SPHK2: variants seen among roughly 807,000 people sequenced by gnomAD.
SPHK2 encodes the protein sphingosine kinase 2.
SPHK2 carries 18 observed loss-of-function variants against 32.3 expected under a neutral mutation model. The observed-to-expected ratio is 0.56, with a 90% CI of 0.39 to 0.83. The LOEUF (loss-of-function observed/expected upper bound fraction) is 0.83. Ranked by LOEUF, SPHK2 falls within the 40% of genes least tolerant of loss-of-function variation. The pLI is 0.00. For synonymous variants in SPHK2, 462 were observed against 417.6 expected (o/e 1.11, Z -1.30); for missense variants, 850 against 908.7 (o/e 0.94, Z 0.83).
rs2030436997 is a variant in SPHK2, at chr19:48,629,841, G to A, written c.*68G>A. ...CCAATGGGGCGGAGCCTGAGCTAGG[G>A]GGTGTGGCCTGGCTGCTAGAGTTGT... On this transcript the variant is annotated 3_prime_UTR_variant, in exon 7 of 7. Coordinates refer to ENST00000245222, the MANE Select transcript of SPHK2 (RefSeq NM_020126.5). 1 of 1,494,766 alleles carries A rather than the reference G, an allele frequency of 6.7e-7. No individual in the cohort carries two copies. Among genetic ancestry groups the A allele is most frequent in the South Asian group, 1.4e-5 (1 of 73,502 alleles). 92.6% of individuals were successfully genotyped at this position (1,494,766 alleles called of 1,614,324 possible).
intron 3 of SPHK2, 152 bp from the exon 4 acceptor site, chr19:48,627,540 G>A (rs1568432652): frequency 1.2e-6 from 1 of 854,200 alleles, no homozygotes; most frequent in Admixed American, 2.6e-5. Flanking sequence ...AGGAGTTGGG[G>A]CAGGGCTGCA....
chr19:48,625,518 C>T, intron 2 of SPHK2: 1 of 1,242,068 alleles, frequency 8.1e-7, no homozygotes, highest in Non-Finnish European at 1.0e-6. Flanking sequence ...GTTATCATCA[C>T]CCAACCACCT....
At position 48,629,754 on chromosome 19, in the gene SPHK2, G is replaced by A; in HGVS notation, c.1946G>A (p.Cys649Tyr). ...ACACTGCTCACTGGGCCTCCTGGCT[G>A]CCCGGGGCGGGAGCCCTGAAACTAA... ...IGTLLTGPPG[C>Y]PGREP Residue 649 changes from cysteine (C) to tyrosine (Y), a missense_variant, in exon 7 of 7, where the codon TGC (cysteine) becomes TAC (tyrosine). Physicochemically the swap from Cys to Tyr is radical, Grantham distance 194. Coordinates refer to ENST00000245222, the MANE Select transcript of SPHK2 (RefSeq NM_020126.5). 6.3e-7 allele frequency: 1 copy of A among 1,579,558 alleles called. No individual in the cohort carries two copies. The highest frequency in any genetic ancestry group is 8.6e-7 in the Non-Finnish European group (1 of 1,159,710).
In SPHK2 at chr19:48,629,252, C is replaced by G; in HGVS notation, c.1444C>G (p.Leu482Val). 2 of 1,613,762 alleles carry G rather than the reference C, an allele frequency of 1.2e-6. No individual in the cohort carries two copies. The highest frequency in any genetic ancestry group is 8.5e-7 in the Non-Finnish European group (1 of 1,179,990). ...ACCTCCTGGCTCTCCCAAGGCAGCT[C>G]TACACTCACCCGTCTCCGAAGGGGC... ...SSPPGSPKAALHSPVSEGAPV... is the reference protein window; with the variant it reads ...SSPPGSPKAAVHSPVSEGAPV... Residue 482 changes from leucine (L) to valine (V), a missense_variant, in exon 7 of 7, where the codon CTA becomes GTA. Around this residue, in one of 2 missense-constraint regions of SPHK2, gnomAD observed 306 missense variants for 268.6 expected, o/e 1.14. Transcript: ENST00000245222.
rs371579873 is a variant in SPHK2 at position 48,629,344 on chromosome 19, C to T, written c.1536C>T (p.Thr512=). The change falls in exon 7 of 7, where the codon ACC becomes ACT. Residue 512 remains threonine, a synonymous_variant. Coordinates refer to ENST00000245222, the MANE Select transcript of SPHK2 (RefSeq NM_020126.5). The stretch of plus-strand genomic sequence containing the variant: ...CTGATGCCCGGGTAGGGGCCTCCAC[C>T]TGCGGCCCGCCCGACCACCTGCTGC... ...PTPDARVGAS[T]CGPPDHLLPP... 2 of 1,612,736 alleles carry T rather than the reference C, an allele frequency of 1.2e-6. No individual in the cohort carries two copies. Among genetic ancestry groups the T allele is most frequent in the Non-Finnish European group, 1.7e-6 (2 of 1,179,790 alleles).
intron 3 of SPHK2, 82 bp from the exon 4 acceptor site, chr19:48,627,610 C>T (rs917573834): frequency 1.0e-5 from 15 of 1,474,790 alleles, no homozygotes; most frequent in African/African-American, 2.8e-5. Context: ...CCACCAATTC[C>T]GTTGGGGGCT....
chr19:48,630,255 C>G lies in SPHK2; in HGVS notation c.*482C>G. On this transcript the variant is annotated 3_prime_UTR_variant, in exon 7 of 7. Transcript: ENST00000245222. The surrounding 1 kb of genome is among the most constrained non-coding windows in gnomAD (Gnocchi z 4.9). ...CCAGGAGGGGCAGGTTCCCCGGGGC[C>G]GGCGCTAGGATTTGCACTAATGTTC... 7.8e-7 allele frequency: 1 copy of G among 1,275,476 alleles called. No homozygotes were observed. Among genetic ancestry groups the G allele is most frequent in the Non-Finnish European group, 9.9e-7 (1 of 1,011,348 alleles). The allele number at this position is 1,275,476 out of a possible 1,614,324, so 79.0% of individuals were successfully genotyped here.
chr19:48,629,762 C>A lies in SPHK2; in HGVS notation c.1954C>A (p.Arg652=). Residue 652 remains arginine (R), a synonymous_variant, in exon 7 of 7, where the codon CGG becomes AGG. Coordinates refer to ENST00000245222, the MANE Select transcript of SPHK2 (RefSeq NM_020126.5). ...LLTGPPGCPG[R]EP is the part of the protein sequence containing the mutation. ...CACTGGGCCTCCTGGCTGCCCGGGG[C>A]GGGAGCCCTGAAACTAAACAAGCTT... The A allele has an allele frequency of 1.9e-6, 3 of 1,571,704 alleles. No individual in the cohort carries two copies. Among genetic ancestry groups the A allele is most frequent in the Non-Finnish European group, 2.6e-6 (3 of 1,155,862 alleles).
Position 48,630,238 on chromosome 19 carries a change from G to C in SPHK2, c.*465G>C, listed in dbSNP as rs1489791366. On this transcript the variant is annotated 3_prime_UTR_variant, in exon 7 of 7. Transcript: ENST00000245222. This position sits in a 1 kb window ranked among gnomAD's most constrained non-coding sequence, Gnocchi z 4.9. ...TTAGCTGGCCAATCAGCCCAGGAGG[G>C]GCAGGTTCCCCGGGGCCGGCGCTAG... The C allele has an allele frequency of 1.6e-6, 2 of 1,277,814 alleles. No individual in the cohort carries two copies. Among genetic ancestry groups the C allele is most frequent in the Non-Finnish European group, 2.0e-6 (2 of 1,012,568 alleles). The allele number at this position is 1,277,814 out of a possible 1,614,324, so 79.2% of individuals were successfully genotyped here.
chr19:48,629,269 C>T lies in SPHK2; in HGVS notation c.1461C>T (p.Ser487=), dbSNP rs543590802. ...AGGCAGCTCTACACTCACCCGTCTC[C>T]GAAGGGGCCCCCGTAATTCCCCCAT... The part of the protein sequence containing the change: ...SPKAALHSPV[S]EGAPVIPPSS... Residue 487 remains serine (S), a synonymous_variant, in exon 7 of 7, where the codon TCC becomes TCT. Transcript: ENST00000245222. The T allele has an allele frequency of 2.4e-5, 39 of 1,613,692 alleles. No individual in the cohort carries two copies. Among genetic ancestry groups the T allele is most frequent in the East Asian group, 6.7e-5 (3 of 44,876 alleles).
chr19:48,628,035 T>C lies in SPHK2; in HGVS notation c.722T>C (p.Ile241Thr), dbSNP rs1290513932. 2 of 1,595,422 alleles carry C rather than the reference T, an allele frequency of 1.3e-6. No homozygotes were observed. Among genetic ancestry groups the C allele is most frequent in the South Asian group, 2.2e-5 (2 of 89,760 alleles). ...QGLSLSEWDGIVTVSGDGLLH... is the reference protein window; with the variant it reads ...QGLSLSEWDGTVTVSGDGLLH... ...CTGAGCCTGAGTGAGTGGGATGGCA[T>C]CGTCACGGTCTCGGGAGACGGGCTG... Residue 241 changes from isoleucine to threonine, a missense_variant, in exon 5 of 7, where the codon ATC (isoleucine) becomes ACC (threonine). Coordinates refer to ENST00000245222, the MANE Select transcript of SPHK2 (RefSeq NM_020126.5). This position sits in a 1 kb window ranked among gnomAD's most constrained non-coding sequence, Gnocchi z 5.2.
At position 48,629,393 on chromosome 19, in the gene SPHK2, C is replaced by G. The variant is rs2030356014; in HGVS notation, c.1585C>G (p.Pro529Ala). The G allele has an allele frequency of 6.2e-7, 1 of 1,611,784 alleles. No individual in the cohort carries two copies. Among genetic ancestry groups the G allele is most frequent in the South Asian group, 1.1e-5 (1 of 91,036 alleles). ...GCCTCCGCTGGGCACCCCGCTGCCC[C>G]CAGACTGGGTGACGCTGGAGGGGGA... is the stretch of plus-strand genomic sequence containing the variant. ...LLPPLGTPLP[P>A]DWVTLEGDFV... The change falls in exon 7 of 7, where the codon CCA (proline) becomes GCA (alanine). Residue 529 changes from proline (P) to alanine (A), a missense_variant. Around this residue, in one of 2 missense-constraint regions of SPHK2, gnomAD observed 306 missense variants for 268.6 expected, o/e 1.14. Coordinates refer to ENST00000245222, the MANE Select transcript of SPHK2 (RefSeq NM_020126.5).
rs775132346 is a variant in SPHK2, at chr19:48,628,529, C to T, written c.873-152C>T. 46 of 1,013,950 alleles carry T rather than the reference C, an allele frequency of 4.5e-5. 1 individual carries two copies. The highest frequency in any genetic ancestry group is 2.8e-4 in the South Asian group (22 of 78,178). The allele number at this position is 1,013,950 out of a possible 1,614,324, so 62.8% of individuals were successfully genotyped here. A position where few individuals can be genotyped will look rare whatever the true frequency, so the allele number is the denominator to read the frequency against. ...TGAAAGATGACCAGGAACCTGGCCC[C>T]GTAAGGAGTCGCCTGGAGGTGGCCC... On this transcript the variant is annotated intron_variant, in intron 6 of 6. Transcript: ENST00000245222. This position sits in a 1 kb window ranked among gnomAD's most constrained non-coding sequence, Gnocchi z 5.2.
rs757681401 is a variant in SPHK2 at position 48,629,137 on chromosome 19, C to T, written c.1329C>T (p.Ile443=). ...ASPGSPEPLP[I]LSLNGGGPEL... is the part of the protein sequence containing the mutation. ...CTGGCTCGCCAGAACCCCTGCCCATCCTGTCCCTCAACGGTGGGGGCCCAG... is the reference window on the plus strand; with the variant it reads ...CTGGCTCGCCAGAACCCCTGCCCATTCTGTCCCTCAACGGTGGGGGCCCAG... Residue 443 remains isoleucine (I), a synonymous_variant, in exon 7 of 7, where the codon ATC becomes ATT. Transcript: ENST00000245222. The T allele has an allele frequency of 2.7e-5, 43 of 1,613,372 alleles. No individual in the cohort carries two copies. Among genetic ancestry groups the T allele is most frequent in the Non-Finnish European group, 2.3e-5 (27 of 1,179,890 alleles).
intron 2 of SPHK2, among the ~76,000 whole-genome samples, chr19:48,622,258 CAAAAA>C (rs201559091): frequency 9.1e-6 from 1 of 109,672 alleles, no homozygotes; most frequent in African/African-American, 3.3e-5. Flanking sequence ...AACTCCGTCT[CAAAAA>C]AAAAAAAAAT....
At chr19:48,624,732 G>T in intron 2 of SPHK2, 1 of 189,776 alleles carries the variant, frequency 5.3e-6, no homozygotes, top group Non-Finnish European at 9.8e-6. Flanking sequence ...AGGACATCTA[G>T]GGCTCTGTGC....
rs2147697340 is a variant in SPHK2 at position 48,628,602 on chromosome 19, G to C, written c.873-79G>C. On this transcript the variant is annotated intron_variant, in intron 6 of 6. Coordinates refer to ENST00000245222, the MANE Select transcript of SPHK2 (RefSeq NM_020126.5). This position sits in a 1 kb window ranked among gnomAD's most constrained non-coding sequence, Gnocchi z 5.2. ...CATGGCCTTCGTGGTCTCATTGCCA[G>C]CTGCTTTCCTACCTGTCTCTTTCCC... The C allele has an allele frequency of 1.9e-6, 3 of 1,556,088 alleles. No individual in the cohort carries two copies. The Admixed American group carries it at 5.1e-5, about 27-fold the overall frequency.
rs1160740610 is a variant in SPHK2 at position 48,630,170 on chromosome 19, G to C, written c.*397G>C. On this transcript the variant is annotated 3_prime_UTR_variant, in exon 7 of 7. Coordinates refer to ENST00000245222, the MANE Select transcript of SPHK2 (RefSeq NM_020126.5). This position sits in a 1 kb window ranked among gnomAD's most constrained non-coding sequence, Gnocchi z 4.9. ...GGGGTAGGCCTCAGTGAGTCGGCCG[G>C]TCAGGGCCCGCAGCCTCGCCCCATC... 2.4e-6 allele frequency: 3 copies of C among 1,244,276 alleles called. No homozygotes were observed. Among genetic ancestry groups the C allele is most frequent in the Non-Finnish European group, 3.0e-6 (3 of 992,150 alleles). 77.1% of individuals were successfully genotyped at this position (1,244,276 alleles called of 1,614,324 possible). A position where few individuals can be genotyped will look rare whatever the true frequency, so the allele number is the denominator to read the frequency against.
In SPHK2 at chr19:48,628,106, TG is replaced by T. The variant is rs768509866; in HGVS notation, c.756+42del. ...GCACCCTGCCCCTAGCCCTGGGCCC[TG>T]GGGGACTATAGAGACTGCCACCAGG... On this transcript the variant is annotated intron_variant, in intron 5 of 6. Transcript: ENST00000245222. The surrounding 1 kb of genome is among the most constrained non-coding windows in gnomAD (Gnocchi z 5.2). The T allele has an allele frequency of 1.3e-6, 2 of 1,581,956 alleles. No individual in the cohort carries two copies. The highest frequency in any genetic ancestry group is 1.7e-6 in the Non-Finnish European group (2 of 1,160,174).
Sources: gnomAD v4.1 joint callset for allele counts (sites outside exome capture counted in the v4.1 genomes callset) on GRCh38, gnomAD v4.1.1 for gene constraint, gnomAD v4.1.1 regional missense constraint, Gnocchi (gnomAD v3.1) non-coding constraint, MANE v1.5 for transcripts, NCBI Gene and HGNC (gene_info 2026-07-23, HGNC 2026-07-21) for gene names.